The following SMCHD1 variants were observed in gnomAD, a reference collection of about 807,000 sequenced individuals.
The protein encoded by SMCHD1 is structural maintenance of chromosomes flexible hinge domain containing 1, also known as structural maintenance of chromosomes flexible hinge domain-containing protein 1.
Under a neutral mutation model 254.7 loss-of-function variants are expected in SMCHD1, and 78 were observed. The ratio of observed to expected loss-of-function variants is 0.31; its 90% CI spans 0.26 to 0.37. SMCHD1 has a LOEUF of 0.37. Ranked by LOEUF, SMCHD1 falls within the 10% of genes least tolerant of loss-of-function variation. SMCHD1 has a pLI of 1.00. For missense variants in SMCHD1, 1,840 were observed against 2,408.1 expected (o/e 0.76, Z 4.94); for synonymous variants, 766 against 794.9 (o/e 0.96, Z 0.61).
chr18:2,774,959 T>C (rs1342786565), intron 41 of SMCHD1, among the ~76,000 whole-genome samples: 1 of 152,190 alleles, frequency 6.6e-6, no homozygotes, highest in East Asian at 1.9e-4. Context: ...ATTACCTGTC[T>C]GACCTGAGGG....
chr18:2,713,852 G>T (rs1397152273), intron 17 of SMCHD1, among the ~76,000 whole-genome samples: 1 of 152,150 alleles, frequency 6.6e-6, no homozygotes, highest in Non-Finnish European at 1.5e-5. Context: ...ATATGATTCT[G>T]ATTTTTCAAA....
In SMCHD1 at chr18:2,673,358, A is replaced by C; in HGVS notation, c.502A>C (p.Lys168Gln). 7 of 1,523,508 alleles carry C rather than the reference A, an allele frequency of 4.6e-6. No individual in the cohort carries two copies. The highest frequency in any genetic ancestry group is 6.2e-6 in the Non-Finnish European group (7 of 1,122,490). 94.4% of individuals were successfully genotyped at this position (1,523,508 alleles called of 1,614,324 possible). A position where few individuals can be genotyped will look rare whatever the true frequency, so the allele number is the denominator to read the frequency against. The part of the protein sequence containing the change: ...RNIGVRRIQI[K>Q]LLFDETQGKP... ...CATTGGGGTTAGAAGAATACAGATC[A>C]AATTGGTAAGGAAATAATACTGTAA... Residue 168 changes from lysine (K) to glutamine (Q), a missense_variant, in exon 4 of 48, where the codon AAA becomes CAA. Lys to Gln is a moderately conservative substitution (Grantham distance 53). This residue lies in a region of SMCHD1 where 498 missense variants were observed against 743.5 expected (regional missense o/e 0.67). Coordinates refer to ENST00000320876, the MANE Select transcript of SMCHD1 (RefSeq NM_015295.3).
intron 45 of SMCHD1, among the ~76,000 whole-genome samples, chr18:2,792,751 T>C (rs2076188429): frequency 6.6e-6 from 1 of 152,210 alleles, no homozygotes; most frequent in African/African-American, 2.4e-5. Flanking sequence ...ATTATGATGG[T>C]TTTTTAAATA....
At position 2,724,265 on chromosome 18, in the gene SMCHD1, T is replaced by A. The variant is rs534328769; in HGVS notation, c.2604-634T>A. ...ATCATGGTATATTTTTTACTTTTTTTCCCTTTCTTTACCTTTCACAGAGTA... is the reference window on the plus strand; with the variant it reads ...ATCATGGTATATTTTTTACTTTTTTACCCTTTCTTTACCTTTCACAGAGTA... On this transcript the variant is annotated intron_variant, in intron 20 of 47. Transcript: ENST00000320876. Among the ~76,000 whole-genome samples, 15 of 151,822 alleles carry A rather than the reference T, an allele frequency of 9.9e-5. 1 individual carries two copies. The Middle Eastern group carries it at 0.01, about 103-fold the overall frequency.
At chr18:2,691,542 T>C (rs2143087126) in intron 7 of SMCHD1, 1 of 152,362 alleles carries the variant, frequency 6.6e-6, no homozygotes, top group African/African-American at 2.4e-5. Flanking sequence ...TGTCAAAAGC[T>C]CTCAAATCTG....
chr18:2,707,425 T>G (rs1001660184), intron 15 of SMCHD1, 138 bp from the exon 16 acceptor site: 38 of 464,786 alleles, frequency 8.2e-5, no homozygotes, highest in Non-Finnish European at 7.8e-5. Context: ...TTTAGATGAT[T>G]AATCGTAAAG....
chr18:2,756,831 A>G (rs192303856), intron 34 of SMCHD1, among the ~76,000 whole-genome samples: 1 of 152,216 alleles, frequency 6.6e-6, no homozygotes, highest in East Asian at 1.9e-4. Flanking sequence ...TTTTATCTAA[A>G]TTTTCAAATT....
chr18:2,684,836 A>C (rs541164897), intron 5 of SMCHD1, among the ~76,000 whole-genome samples: 1 of 151,964 alleles, frequency 6.6e-6, no homozygotes, highest in East Asian at 1.9e-4. Context: ...GTCTGTATTA[A>C]GTAATACTAA....
chr18:2,783,746 T>G (rs969218745), intron 44 of SMCHD1, among the ~76,000 whole-genome samples: 1 of 152,094 alleles, frequency 6.6e-6, no homozygotes, highest in African/African-American at 2.4e-5. Context: ...CTAATTTTTG[T>G]GTTTTTAGTA....
chr18:2,784,573 T>C lies in SMCHD1; in HGVS notation c.5671T>C (p.Phe1891Leu). 6.2e-7 allele frequency: 1 copy of C among 1,610,034 alleles called. No homozygotes were observed. The highest frequency in any genetic ancestry group is 8.5e-7 in the Non-Finnish European group (1 of 1,178,632). ...PPMDKLRGMVFGAPVPKQCLI... is the reference protein window; with the variant it reads ...PPMDKLRGMVLGAPVPKQCLI... ...AATGGATAAACTTCGGGGAATGGTATTTGGAGCTCCAGTTCCAAAACAGTG... is the reference window on the plus strand; with the variant it reads ...AATGGATAAACTTCGGGGAATGGTACTTGGAGCTCCAGTTCCAAAACAGTG... Residue 1891 changes from phenylalanine to leucine, a missense_variant, in exon 45 of 48, where the codon TTT becomes CTT. This residue lies in a region of SMCHD1 where 114 missense variants were observed against 217.6 expected (regional missense o/e 0.52). Coordinates refer to ENST00000320876, the MANE Select transcript of SMCHD1 (RefSeq NM_015295.3).
At chr18:2,715,822 C>T (rs2074785797) in intron 17 of SMCHD1, among the ~76,000 whole-genome samples, 1 of 152,096 alleles carries the variant, frequency 6.6e-6, no homozygotes, top group Non-Finnish European at 1.5e-5. Flanking sequence ...CTGAAATTCA[C>T]CCAGGGCAAC....
chr18:2,730,440 G>T (rs1340486905), intron 24 of SMCHD1, among the ~76,000 whole-genome samples: 1 of 152,166 alleles, frequency 6.6e-6, no homozygotes, highest in Non-Finnish European at 1.5e-5. Context: ...AAAGTGCTGG[G>T]ATTACAGGCG....
intron 12 of SMCHD1, among the ~76,000 whole-genome samples, chr18:2,702,644 T>C (rs982321232): frequency 4.6e-5 from 7 of 152,314 alleles, no homozygotes; most frequent in African/African-American, 1.7e-4. Context: ...GGCAGCAATT[T>C]CCCAGAAACT....
At chr18:2,763,827 TATTTA>T in intron 37 of SMCHD1, 38 bp downstream of exon 37, 1 of 1,581,802 alleles carries the variant, frequency 6.3e-7, no homozygotes, top group Non-Finnish European at 8.6e-7. Context: ...AGAATTTCTG[TATTTA>T]ATGCTTTTAA....
chr18:2,784,291 T>C (rs2076205361), intron 44 of SMCHD1, among the ~76,000 whole-genome samples, 159 bp from the exon 45 acceptor site: 1 of 152,222 alleles, frequency 6.6e-6, no homozygotes, highest in Non-Finnish European at 1.5e-5. Flanking sequence ...CCTCTGGATT[T>C]TTCCCTCCAG....
In SMCHD1 at chr18:2,751,378, C is replaced by T; in HGVS notation, c.4266C>T (p.Asn1422=). The T allele has an allele frequency of 6.4e-7, 1 of 1,565,508 alleles. No homozygotes were observed. The change falls in exon 33 of 48, where the codon AAC becomes AAT. Residue 1422 remains asparagine, a synonymous_variant. Transcript: ENST00000320876. The part of the protein sequence containing the change: ...MKMWKLSTSG[N]RPPANAETFS... ...TGTGGAAGCTGTCTACCAGTGGGAA[C>T]CGACCCCCAGCAAATGTGAGTCATG...
At chr18:2,750,200 G>T in intron 31 of SMCHD1, 78 bp downstream of exon 31, 2 of 1,441,814 alleles carry the variant, frequency 1.4e-6, no homozygotes, top group Non-Finnish European at 9.5e-7. Context: ...TACAGCTAAT[G>T]ACTATCCTTC....
intron 17 of SMCHD1, 91 bp downstream of exon 17, chr18:2,708,011 A>G: frequency 1.4e-6 from 1 of 735,674 alleles, no homozygotes; most frequent in South Asian, 3.2e-5. Context: ...ATGACCTAGC[A>G]ATCTGATAGG....
chr18:2,696,162 A>G (rs531530246), intron 8 of SMCHD1, among the ~76,000 whole-genome samples: 19 of 152,304 alleles, frequency 1.2e-4, no homozygotes, highest in South Asian at 2.1e-4. Flanking sequence ...GTTGGTTTTC[A>G]GTGAGATGGT....
Sources: gnomAD v4.1 joint callset for allele counts (sites outside exome capture counted in the v4.1 genomes callset) on GRCh38, gnomAD v4.1.1 for gene constraint, gnomAD v4.1.1 regional missense constraint, MANE v1.5 for transcripts, NCBI Gene and HGNC (gene_info 2026-07-23, HGNC 2026-07-21) for gene names.